Variants in HELQ observed in about 807,000 individuals in gnomAD.
HELQ encodes the protein helicase POLQ-like.
Under a neutral mutation model 111.6 loss-of-function variants are expected in HELQ, and 77 were observed. That is an observed-to-expected ratio of 0.69 (90% CI 0.57 to 0.83). The LOEUF is 0.83. Ranked by LOEUF, HELQ falls within the 40% of genes least tolerant of loss-of-function variation. The pLI is 0.00. For missense variants in HELQ, 1,200 were observed against 1,288.5 expected (o/e 0.93, Z 1.05); for synonymous variants, 438 against 454.7 (o/e 0.96, Z 0.47).
At chr4:83,429,863 G>T (rs1720047907) in intron 11 of HELQ, 117 bp from the exon 12 acceptor site, 1 of 617,002 alleles carries the variant, frequency 1.6e-6, no homozygotes. Context: ...TAAAAAATTA[G>T]TATTAAATCT....
chr4:83,422,946 A>G (rs1308603379), intron 14 of HELQ, among the ~76,000 whole-genome samples: 2 of 152,212 alleles, frequency 1.3e-5, no homozygotes, highest in Admixed American at 1.3e-4. Flanking sequence ...CACATGGTCC[A>G]AGCTAAAACA....
chr4:83,437,644 A>G (rs1720535548), intron 8 of HELQ, among the ~76,000 whole-genome samples: 3 of 151,780 alleles, frequency 2.0e-5, no homozygotes, highest in Admixed American at 2.0e-4. Flanking sequence ...AACTATTTAC[A>G]TAAATACAAC....
intron 14 of HELQ, among the ~76,000 whole-genome samples, chr4:83,424,982 A>G (rs55887742): frequency 0.09 from 13,627 of 152,036 alleles, 2,059 homozygotes; most frequent in African/African-American, 0.31. Flanking sequence ...AAAGGTATAG[A>G]GGAGGTTGGG....
intron 17 of HELQ, among the ~76,000 whole-genome samples, chr4:83,411,476 C>T (rs1037110755): frequency 1.4e-5 from 2 of 148,098 alleles, no homozygotes; most frequent in South Asian, 2.2e-4. Flanking sequence ...TAGTGGTGCC[C>T]GCCTGTGGTC....
intron 15 of HELQ, among the ~76,000 whole-genome samples, chr4:83,420,990 T>C (rs1739651507): frequency 6.6e-6 from 1 of 152,234 alleles, no homozygotes; most frequent in Non-Finnish European, 1.5e-5. Flanking sequence ...TTATTTTTTG[T>C]AGAGATGGAG....
intron 15 of HELQ, 89 bp downstream of exon 15, chr4:83,421,474 C>T: frequency 2.2e-6 from 2 of 889,220 alleles, no homozygotes; most frequent in Admixed American, 2.7e-5. Context: ...GGAGAAAATG[C>T]TGACATACTG....
At chr4:83,428,518 G>A (rs1410180222) in intron 12 of HELQ, among the ~76,000 whole-genome samples, 8 of 152,136 alleles carry the variant, frequency 5.3e-5, no homozygotes, top group South Asian at 4.2e-4. Flanking sequence ...CTGAGATTGC[G>A]CCACTGCATT....
chr4:83,446,463 C>A (rs1006092759), intron 4 of HELQ, among the ~76,000 whole-genome samples: 1 of 152,106 alleles, frequency 6.6e-6, no homozygotes, highest in Non-Finnish European at 1.5e-5. Context: ...CCCACCACCA[C>A]GCCCGGCTAA....
At chr4:83,446,468 G>C (rs530241083) in intron 4 of HELQ, among the ~76,000 whole-genome samples, 4 of 151,762 alleles carry the variant, frequency 2.6e-5, no homozygotes, top group African/African-American at 9.7e-5. Flanking sequence ...CACCACGCCC[G>C]GCTAATTTTT....
At chr4:83,434,800 G>A (rs892811806) in intron 9 of HELQ, among the ~76,000 whole-genome samples, 20 of 152,228 alleles carry the variant, frequency 1.3e-4, no homozygotes, top group African/African-American at 4.3e-4. Flanking sequence ...GCACAAACGT[G>A]TGCTTACATT....
Position 83,453,899 on chromosome 4 carries a change from G to A in HELQ, c.344C>T (p.Thr115Ile), listed in dbSNP as rs1201082484. ...AACTTGAGCTATAAAGGAGTTTTCA[G>A]TAAAGCTATCATAGTCACCAAACAT... is the stretch of plus-strand genomic sequence containing the variant. The part of the protein sequence containing the change: ...VDMFGDYDSF[T>I]ENSFIAQVDD... The change falls in exon 2 of 18, where the codon ACT (threonine) becomes ATT (isoleucine). Residue 115 changes from threonine (T) to isoleucine (I), a missense_variant. Physicochemically the swap from Thr to Ile is moderately conservative, Grantham distance 89. Transcript: ENST00000295488. 6.2e-7 allele frequency: 1 copy of A among 1,613,608 alleles called. No individual in the cohort carries two copies. Among genetic ancestry groups the A allele is most frequent in the Non-Finnish European group, 8.5e-7 (1 of 1,179,812 alleles).
In HELQ at chr4:83,455,665, C is replaced by A. The variant is rs753736177; in HGVS notation, c.29G>T (p.Arg10Leu). The change falls in exon 1 of 18, where the codon CGG (arginine) becomes CTG (leucine). Residue 10 changes from arginine to leucine, a missense_variant. Physicochemically the swap from Arg to Leu is moderately radical, Grantham distance 102. Coordinates refer to ENST00000295488, the MANE Select transcript of HELQ (RefSeq NM_133636.5). MDECGSRIR[R>L]RVSLPKRNRP... ...GTTCCTTTTGGGGAGAGACACCCGC[C>A]GGCGGATGCGGGAACCACATTCATC... 2 of 1,610,638 alleles carry A rather than the reference C, an allele frequency of 1.2e-6. No individual in the cohort carries two copies. Among genetic ancestry groups the A allele is most frequent in the South Asian group, 2.2e-5 (2 of 91,070 alleles).
intron 3 of HELQ, 121 bp from the exon 4 acceptor site, chr4:83,447,156 T>C (rs1295164522): frequency 4.6e-6 from 3 of 655,386 alleles, no homozygotes; most frequent in Non-Finnish European, 7.9e-6. Flanking sequence ...GAGACCAGCC[T>C]GGGCAACACA....
rs773869238 is a variant in HELQ, at chr4:83,421,730, C to T, written c.2782G>A (p.Asp928Asn). 1.9e-6 allele frequency: 3 copies of T among 1,612,196 alleles called. No homozygotes were observed. The South Asian group carries it at 3.3e-5, about 18-fold the overall frequency. ...TATAGCCTGTTGACAACGTTCTTGT[C>T]CACCTTCTAGAAAGACACAATCAAA... ...ASGQAIGKKV[D>N]KNVVNRLYLS... Residue 928 changes from aspartate (D) to asparagine (N), a missense_variant, in exon 15 of 18, where the codon GAC (aspartate) becomes AAC (asparagine). Asp to Asn is a conservative substitution (Grantham distance 23). Coordinates refer to ENST00000295488, the MANE Select transcript of HELQ (RefSeq NM_133636.5).
At position 83,432,001 on chromosome 4, in the gene HELQ, T is replaced by C. The variant is rs2047210; in HGVS notation, c.2190+125A>G. On this transcript the variant is annotated intron_variant, in intron 10 of 17. Transcript: ENST00000295488. Reference sequence around the variant, plus strand: ...TTCAAACCACTCTAATTCTTAATCATATAGGAAAGAAAGCATCATTTAAAG... The same window carrying C: ...TTCAAACCACTCTAATTCTTAATCACATAGGAAAGAAAGCATCATTTAAAG... 0.4 allele frequency: 222,219 copies of C among 559,070 alleles called. 48,141 individuals carry two copies. The highest frequency in any genetic ancestry group is 0.64 in the East Asian group (19,244 of 30,144). 34.6% of individuals were successfully genotyped at this position (559,070 alleles called of 1,614,324 possible).
In HELQ at chr4:83,437,061, C is replaced by G; in HGVS notation, c.1845G>C (p.Glu615Asp). 6.2e-7 allele frequency: 1 copy of G among 1,613,460 alleles called. No individual in the cohort carries two copies. The highest frequency in any genetic ancestry group is 8.5e-7 in the Non-Finnish European group (1 of 1,179,542). Residue 615 changes from glutamate to aspartate, a missense_variant, in exon 9 of 18, where the codon GAG becomes GAC. This residue lies in a region of HELQ where 585 missense variants were observed against 665.3 expected (regional missense o/e 0.88). Coordinates refer to ENST00000295488, the MANE Select transcript of HELQ (RefSeq NM_133636.5). ...CAATATTCTTCAAGTTCTTAATCAC[C>G]TCACATTTTTCTTTCTCCTTATGTT... The part of the protein sequence containing the change: ...YLKHKEKEKC[E>D]VIKNLKNIGN...
At position 83,443,648 on chromosome 4, in the gene HELQ, A is replaced by G. The variant is rs545720471; in HGVS notation, c.1466-34T>C. 40 of 945,304 alleles carry G rather than the reference A, an allele frequency of 4.2e-5. No individual in the cohort carries two copies. The Admixed American group carries it at 5.6e-4, about 13-fold the overall frequency. 58.6% of individuals were successfully genotyped at this position (945,304 alleles called of 1,614,324 possible). A position where few individuals can be genotyped will look rare whatever the true frequency, so the allele number is the denominator to read the frequency against. On this transcript the variant is annotated intron_variant, in intron 5 of 17. Transcript: ENST00000295488. ...CAAACAAACAAAAGCCAAAGTGTTA[A>G]GGAAAATATGTTATTTAATATATCA...
At chr4:83,436,781 A>C (rs1354529700) in intron 9 of HELQ, 77 bp downstream of exon 9, 3 of 1,463,076 alleles carry the variant, frequency 2.1e-6, no homozygotes, top group African/African-American at 2.8e-5. Context: ...CTACTGAGAA[A>C]GCATAAAACA....
chr4:83,435,207 A>G (rs2172807), intron 9 of HELQ, among the ~76,000 whole-genome samples: 13,659 of 152,170 alleles, frequency 0.09, 2,065 homozygotes, highest in African/African-American at 0.31. Context: ...TCACAGAGTT[A>G]TTGTGAAGCT....
Sources: allele counts gnomAD v4.1 joint callset (sites outside exome capture counted in the v4.1 genomes callset), GRCh38; gene constraint gnomAD v4.1.1; regional missense constraint gnomAD v4.1.1; transcripts MANE v1.5; gene names NCBI Gene and HGNC (gene_info 2026-07-23, HGNC 2026-07-21).